PDE8B: variants seen among roughly 807,000 people sequenced by gnomAD.
The protein encoded by PDE8B is phosphodiesterase 8B.
Under a neutral mutation model 101.3 loss-of-function variants are expected in PDE8B, and 26 were observed. The observed-to-expected ratio is 0.26, with a 90% CI of 0.19 to 0.36. The LOEUF (loss-of-function observed/expected upper bound fraction) is 0.36. PDE8B is among the 10% of genes least tolerant of loss of function. PDE8B has a pLI of 1.00. For synonymous variants in PDE8B, 424 were observed against 429.3 expected, an observed-to-expected ratio of 0.99 and a Z score of 0.15; for missense variants, 810 against 1,163.1, an observed-to-expected ratio of 0.70 and a Z score of 4.42.
At chr5:77,337,339 A>G (rs746367438) in intron 6 of PDE8B, 24 bp downstream of exon 6, 11 of 1,144,166 alleles carry the variant, frequency 9.6e-6, no homozygotes, top group Admixed American at 3.5e-5. Flanking sequence ...TGATACAGTA[A>G]CATGAGGTTA....
the PDE8B span, among the ~76,000 whole-genome samples, chr5:77,115,593 T>A: frequency 6.6e-6 from 1 of 152,178 alleles, no homozygotes; most frequent in Non-Finnish European, 1.5e-5. Context: ...GTGGGTACTT[T>A]CTGAACGTTT....
At chr5:77,385,623 T>G (rs1788397320) in intron 10 of PDE8B, among the ~76,000 whole-genome samples, 2 of 152,140 alleles carry the variant, frequency 1.3e-5, no homozygotes. Flanking sequence ...GGTATAAATT[T>G]CCCTCAAACA....
intron 10 of PDE8B, among the ~76,000 whole-genome samples, chr5:77,375,691 A>G (rs73764853): frequency 0.03 from 4,491 of 152,196 alleles, 210 homozygotes; most frequent in African/African-American, 0.1. Flanking sequence ...GGACTCAGGA[A>G]AAGTTCCAGT....
chr5:77,348,497 C>T (rs12153424), intron 7 of PDE8B, among the ~76,000 whole-genome samples: 10 of 152,194 alleles, frequency 6.6e-5, no homozygotes, highest in African/African-American at 2.4e-4. Context: ...GAGCCCAGCA[C>T]TGAAAGGGCT....
intron 1 of PDE8B, among the ~76,000 whole-genome samples, chr5:77,269,299 C>A (rs1011313929): frequency 2.0e-5 from 3 of 152,044 alleles, no homozygotes; most frequent in African/African-American, 7.2e-5. Flanking sequence ...CTATTCAGGT[C>A]TTTTGCCCAT....
chr5:77,226,682 A>G (rs2149463819), intron 1 of PDE8B, among the ~76,000 whole-genome samples: 1 of 152,070 alleles, frequency 6.6e-6, no homozygotes, highest in East Asian at 1.9e-4. Context: ...CTTTCCTTGG[A>G]CTCTTTAGTT....
intron 11 of PDE8B, among the ~76,000 whole-genome samples, chr5:77,400,642 C>T (rs914694755): frequency 3.9e-5 from 6 of 152,156 alleles, no homozygotes; most frequent in South Asian, 2.1e-4. Flanking sequence ...GTTGCTCAAC[C>T]GTGTCCAGTC....
intron 1 of PDE8B, among the ~76,000 whole-genome samples, chr5:77,214,242 G>A (rs193137710): frequency 1.0e-3 from 156 of 152,246 alleles, no homozygotes; most frequent in African/African-American, 3.5e-3. Context: ...GGAGCATCTG[G>A]GACTAGACAG....
intron 1 of PDE8B, among the ~76,000 whole-genome samples, chr5:77,217,612 T>C (rs1433030816): frequency 6.6e-6 from 1 of 151,938 alleles, no homozygotes; most frequent in Non-Finnish European, 1.5e-5. Flanking sequence ...CTCAGCTAAC[T>C]GCAACCTCCG....
Position 77,407,376 on chromosome 5 carries a change from T to C in PDE8B, c.1289-5T>C. On this transcript the variant is annotated splice_region_variant and splice_polypyrimidine_tract_variant and intron_variant, in intron 12 of 21. Transcript: ENST00000264917. Reference sequence around the variant, plus strand: ...CTGGACACAGCTTTCTTGCCTTCTCTCCAGCACCAAGCCTGCAGAATCGTC... The same window carrying C: ...CTGGACACAGCTTTCTTGCCTTCTCCCCAGCACCAAGCCTGCAGAATCGTC... The C allele has an allele frequency of 6.2e-7, 1 of 1,613,656 alleles. No homozygotes were observed. Among genetic ancestry groups the C allele is most frequent in the Non-Finnish European group, 8.5e-7 (1 of 1,179,608 alleles).
At chr5:77,403,321 T>C (rs1422204811) in intron 11 of PDE8B, among the ~76,000 whole-genome samples, 1 of 152,206 alleles carries the variant, frequency 6.6e-6, no homozygotes, top group Non-Finnish European at 1.5e-5. Flanking sequence ...GGTTTAGTTA[T>C]TGAAATGTTG....
chr5:77,160,469 G>A, the PDE8B span, among the ~76,000 whole-genome samples: 11 of 152,136 alleles, frequency 7.2e-5, no homozygotes, highest in Non-Finnish European at 1.6e-4. Flanking sequence ...GAACTGCACA[G>A]TCCAAACCCA....
At chr5:77,218,962 T>C (rs1460414962) in intron 1 of PDE8B, among the ~76,000 whole-genome samples, 1 of 152,218 alleles carries the variant, frequency 6.6e-6, no homozygotes, top group Non-Finnish European at 1.5e-5. Flanking sequence ...AGATAGGTTA[T>C]CCCAAAGCCT....
At chr5:77,125,084 G>A in the PDE8B span, among the ~76,000 whole-genome samples, 1 of 152,150 alleles carries the variant, frequency 6.6e-6, no homozygotes, top group Admixed American at 6.5e-5. Flanking sequence ...AAACTCCTGG[G>A]CTGGCTTCAG....
At chr5:77,090,752 C>T in the PDE8B span, among the ~76,000 whole-genome samples, 2 of 150,064 alleles carry the variant, frequency 1.3e-5, no homozygotes, top group Non-Finnish European at 3.0e-5. Flanking sequence ...GAATAATATC[C>T]GTGTGTGTGT....
At chr5:77,210,676 C>A, upstream of PDE8B, 1 of 979,516 alleles carries the variant, frequency 1.0e-6, no homozygotes, top group Non-Finnish European at 1.2e-6. This position sits in a 1 kb window ranked among gnomAD's most constrained non-coding sequence, Gnocchi z 4.9. Context: ...GCGCGCGGGG[C>A]GCTGTGTATG....
intron 1 of PDE8B, among the ~76,000 whole-genome samples, chr5:77,228,570 G>T (rs776417119): frequency 1.3e-5 from 2 of 152,084 alleles, no homozygotes; most frequent in Non-Finnish European, 2.9e-5. Context: ...GGAAGGGAGA[G>T]ATTCCAAGCA....
chr5:77,177,111 G>GTCTCT, the PDE8B span, among the ~76,000 whole-genome samples: 3 of 150,770 alleles, frequency 2.0e-5, no homozygotes, highest in African/African-American at 7.3e-5. Flanking sequence ...CCACTCCACA[G>GTCTCT]TCTCTTCAAG....
At chr5:77,321,593 T>C (rs903762674) in intron 2 of PDE8B, among the ~76,000 whole-genome samples, 2 of 152,200 alleles carry the variant, frequency 1.3e-5, no homozygotes, top group South Asian at 2.1e-4. Context: ...TTTGGGCTAC[T>C]TGGATCTACT....
Sources: gnomAD v4.1 joint callset for allele counts (sites outside exome capture counted in the v4.1 genomes callset) on GRCh38, gnomAD v4.1.1 for gene constraint, Gnocchi (gnomAD v3.1) non-coding constraint, MANE v1.5 for transcripts, NCBI Gene and HGNC (gene_info 2026-07-23, HGNC 2026-07-21) for gene names.